The following ZBTB7B variants were observed in gnomAD, a reference collection of about 807,000 sequenced individuals.
ZBTB7B encodes zinc finger and BTB domain-containing protein 7B.
In ZBTB7B, 8 loss-of-function variants were observed where a neutral mutation model predicts 31.0. The ratio of observed to expected loss-of-function variants is 0.26; its 90% confidence interval spans 0.15 to 0.47. The LOEUF is 0.47. Among genes scored for constraint, ZBTB7B ranks in the 20% least tolerant of loss-of-function variants. The probability of loss-of-function intolerance (pLI) is 0.99; values close to 1 mark genes in which losing one functional copy is unlikely to be tolerated. For missense variants in ZBTB7B, 494 were observed against 742.4 expected, an observed-to-expected ratio of 0.67 and a Z score of 3.89; for synonymous variants, 261 against 307.3, an observed-to-expected ratio of 0.85 and a Z score of 1.58.
At chr1:155,014,593 C>A in intron 1 of ZBTB7B, 62 bp from the exon 2 acceptor site, 1 of 1,506,960 alleles carries the variant, frequency 6.6e-7, no homozygotes, top group South Asian at 1.3e-5. Flanking sequence ...TAAAGTTGGT[C>A]CTCTTTCCCC....
At chr1:155,009,373 C>G (rs1658792750) in intron 1 of ZBTB7B, among the ~76,000 whole-genome samples, 1 of 150,850 alleles carries the variant, frequency 6.6e-6, no homozygotes, top group South Asian at 2.1e-4. Flanking sequence ...GCCGGAGACA[C>G]TAGGCTGGGG....
Position 155,004,372 on chromosome 1 carries a change from G to A in ZBTB7B, c.-7+1429G>A, listed in dbSNP as rs1658432356. Among the ~76,000 whole-genome samples, 1 of 152,184 alleles carries A rather than the reference G, an allele frequency of 6.6e-6. No homozygotes were observed. Among genetic ancestry groups the A allele is most frequent in the South Asian group, 2.1e-4 (1 of 4,832 alleles). On this transcript the variant is annotated intron_variant, in intron 1 of 2. Coordinates refer to ENST00000535420, the MANE Select transcript of ZBTB7B (RefSeq NM_001256455.2). This position sits in a 1 kb window ranked among gnomAD's most constrained non-coding sequence, Gnocchi z 4.0. ...GGGAGACCGCTTATCAGGGACGGGG[G>A]AACCAGATTGGGCTGTGAGGGGTTA... is the stretch of plus-strand genomic sequence containing the variant.
rs1571529176 is a variant in ZBTB7B at position 155,015,653 on chromosome 1, C to G, written c.993C>G (p.Asp331Glu). 1 of 1,613,426 alleles carries G rather than the reference C, an allele frequency of 6.2e-7. No homozygotes were observed. The highest frequency in any genetic ancestry group is 8.5e-7 in the Non-Finnish European group (1 of 1,180,016). The change falls in exon 2 of 3, where the codon GAC becomes GAG. Residue 331 changes from aspartate (D) to glutamate (E), a missense_variant. Asp to Glu is a conservative substitution (Grantham distance 45). Around this residue, in one of 5 missense-constraint regions of ZBTB7B, gnomAD observed 216 missense variants for 229.3 expected, o/e 0.94. Coordinates refer to ENST00000535420, the MANE Select transcript of ZBTB7B (RefSeq NM_001256455.2). ...AGGACAACCTGGCACCAGGCCTGGA[C>G]AGCCAAGACAAGCTGGTGCGCAAAC... is the stretch of plus-strand genomic sequence containing the variant. The part of the protein sequence containing the change: ...LHQDNLAPGL[D>E]SQDKLVRKRR...
chr1:155,013,077 G>T (rs1413451597), intron 1 of ZBTB7B, among the ~76,000 whole-genome samples: 1 of 152,198 alleles, frequency 6.6e-6, no homozygotes, highest in Admixed American at 6.5e-5. Flanking sequence ...GAGGCCATCT[G>T]TATAGTGGAA....
intron 1 of ZBTB7B, 37 bp from the exon 2 acceptor site, chr1:155,014,618 T>C (rs1354974125): frequency 6.3e-7 from 1 of 1,574,976 alleles, no homozygotes. Context: ...CCCTGTGGGC[T>C]GAGCGCTCTT....
chr1:155,003,538 A>C lies in ZBTB7B; in HGVS notation c.-7+595A>C, dbSNP rs1658376582. ...TAGTGGGGCTCAGCAACAACCTCTG[A>C]ACCGACATAGAACGACCGCTCTCTT... On this transcript the variant is annotated intron_variant, in intron 1 of 2. Transcript: ENST00000535420. This position sits in a 1 kb window ranked among gnomAD's most constrained non-coding sequence, Gnocchi z 5.8. 6.6e-6 allele frequency among the ~76,000 whole-genome samples: 1 copy of C among 152,168 alleles called. No homozygotes were observed. Among genetic ancestry groups the C allele is most frequent in the South Asian group, 2.1e-4 (1 of 4,830 alleles).
At chr1:155,010,117 C>G (rs1287521291) in intron 1 of ZBTB7B, 1 of 152,390 alleles carries the variant, frequency 6.6e-6, no homozygotes, top group Non-Finnish European at 1.5e-5. Flanking sequence ...GGCGCTAAGG[C>G]TGAGAGAGTT....
In ZBTB7B at chr1:155,015,572, C is replaced by G. The variant is rs766203734; in HGVS notation, c.912C>G (p.Gly304=). Residue 304 remains glycine, a synonymous_variant, in exon 2 of 3, where the codon GGC becomes GGG. Coordinates refer to ENST00000535420, the MANE Select transcript of ZBTB7B (RefSeq NM_001256455.2). ...GGPPLSPEEL[G]SDEDAIDPDL... is the part of the protein sequence containing the mutation. Reference sequence around the variant, plus strand: ...CCCCGCTGTCCCCAGAGGAGCTGGGCTCAGATGAGGATGCCATCGATCCTG... The same window carrying G: ...CCCCGCTGTCCCCAGAGGAGCTGGGGTCAGATGAGGATGCCATCGATCCTG... 6.2e-7 allele frequency: 1 copy of G among 1,613,670 alleles called. No homozygotes were observed. The highest frequency in any genetic ancestry group is 1.1e-5 in the South Asian group (1 of 91,060).
intron 1 of ZBTB7B, chr1:155,014,312 A>G: frequency 4.3e-6 from 1 of 235,292 alleles, no homozygotes; most frequent in African/African-American, 2.2e-5. Flanking sequence ...ACATAGATGG[A>G]CCTCCATGAA....
Position 155,015,412 on chromosome 1 carries a change from G to C in ZBTB7B, c.752G>C (p.Gly251Ala). 1 of 1,570,170 alleles carries C rather than the reference G, an allele frequency of 6.4e-7. No individual in the cohort carries two copies. Among genetic ancestry groups the C allele is most frequent in the Non-Finnish European group, 8.7e-7 (1 of 1,155,754 alleles). The stretch of plus-strand genomic sequence containing the variant: ...GGCAGCAGTGGGGGCAGTGGGCCGG[G>C]GGACAGCTACAGCCCTCCCACAGGA... The part of the protein sequence containing the change: ...RVGSSGGSGP[G>A]DSYSPPTGTA... The change falls in exon 2 of 3, where the codon GGG becomes GCG. Residue 251 changes from glycine (G) to alanine (A), a missense_variant. By Grantham distance (60) the Gly-to-Ala change is moderately conservative (BLOSUM62 0). Transcript: ENST00000535420.
At chr1:155,010,798 C>T in intron 1 of ZBTB7B, 1 of 819,174 alleles carries the variant, frequency 1.2e-6, no homozygotes, top group Non-Finnish European at 1.9e-6. Flanking sequence ...GAACCTGAGG[C>T]TGGAGTTGGG....
Position 155,015,315 on chromosome 1 carries a change from C to G in ZBTB7B, c.655C>G (p.Leu219Val), listed in dbSNP as rs1558090389. Residue 219 changes from leucine (L) to valine (V), a missense_variant, in exon 2 of 3, where the codon CTA becomes GTA. By Grantham distance (32) the Leu-to-Val change is conservative (BLOSUM62 1). Coordinates refer to ENST00000535420, the MANE Select transcript of ZBTB7B (RefSeq NM_001256455.2). ...AACCAAGGGGGCCAGAGCAAACCACCTAGTCCCTGAGGTGCCCACAGTGCC... is the reference window on the plus strand; with the variant it reads ...AACCAAGGGGGCCAGAGCAAACCACGTAGTCCCTGAGGTGCCCACAGTGCC... The part of the protein sequence containing the change: ...LQTKGARANH[L>V]VPEVPTVPAH... 1 of 1,608,558 alleles carries G rather than the reference C, an allele frequency of 6.2e-7. No homozygotes were observed. Among genetic ancestry groups the G allele is most frequent in the South Asian group, 1.1e-5 (1 of 90,570 alleles).
chr1:155,013,012 C>T (rs1181053187), intron 1 of ZBTB7B, among the ~76,000 whole-genome samples: 1 of 152,056 alleles, frequency 6.6e-6, no homozygotes, highest in Admixed American at 6.6e-5. Context: ...GCTTGGTTCC[C>T]TCAGGGTGAT....
In ZBTB7B at chr1:155,018,277, G is replaced by A; in HGVS notation, c.*1592G>A. 2 of 510,522 alleles carry A rather than the reference G, an allele frequency of 3.9e-6. No homozygotes were observed. The highest frequency in any genetic ancestry group is 7.0e-6 in the Non-Finnish European group (2 of 284,086). The allele number at this position is 510,522 out of a possible 1,614,324, so 31.6% of individuals were successfully genotyped here. ...GATGATGTAATATATTGGGGTGGCG[G>A]GGAGATCGGGTTGTCCTGGGCCTCA... On this transcript the variant is annotated 3_prime_UTR_variant, in exon 3 of 3. Coordinates refer to ENST00000535420, the MANE Select transcript of ZBTB7B (RefSeq NM_001256455.2).
chr1:155,007,229 C>A (rs985519606), intron 1 of ZBTB7B, among the ~76,000 whole-genome samples: 2 of 152,218 alleles, frequency 1.3e-5, no homozygotes, highest in African/African-American at 4.8e-5. Flanking sequence ...ACCTTAGGGC[C>A]CCACCCAAAA....
Position 155,003,209 on chromosome 1 carries a change from T to A in ZBTB7B, c.-7+266T>A, listed in dbSNP as rs1202905825. Among the ~76,000 whole-genome samples the A allele has an allele frequency of 2.6e-5, 4 of 152,166 alleles. No individual in the cohort carries two copies. ...AAGTTTATCTGCACTTCTCCTGGGATCAGACAGACAGACGGCTTCGGGATG... is the reference window on the plus strand; with the variant it reads ...AAGTTTATCTGCACTTCTCCTGGGAACAGACAGACAGACGGCTTCGGGATG... On this transcript the variant is annotated intron_variant, in intron 1 of 2. Transcript: ENST00000535420. This position sits in a 1 kb window ranked among gnomAD's most constrained non-coding sequence, Gnocchi z 5.8.
intron 1 of ZBTB7B, among the ~76,000 whole-genome samples, chr1:155,006,466 C>G (rs1443894986): frequency 6.6e-6 from 1 of 152,206 alleles, no homozygotes; most frequent in Non-Finnish European, 1.5e-5. Context: ...GCCTTCAGAG[C>G]TTCCCAGTCA....
intron 1 of ZBTB7B, among the ~76,000 whole-genome samples, chr1:155,009,797 C>T (rs1226190211): frequency 6.6e-6 from 1 of 152,142 alleles, no homozygotes; most frequent in African/African-American, 2.4e-5. Flanking sequence ...CTCTCCACCC[C>T]TCATATGCCT....
In ZBTB7B at chr1:155,015,091, G is replaced by A. The variant is rs1659258165; in HGVS notation, c.431G>A (p.Ser144Asn). 1 of 1,613,740 alleles carries A rather than the reference G, an allele frequency of 6.2e-7. No individual in the cohort carries two copies. The highest frequency in any genetic ancestry group is 2.2e-5 in the East Asian group (1 of 44,872). The part of the protein sequence containing the change: ...IAACMEILQG[S>N]GLEAPSPDED... ...GCTTGCATGGAGATTCTGCAGGGCA[G>A]TGGGCTAGAAGCTCCCAGCCCGGAC... Residue 144 changes from serine (S) to asparagine (N), a missense_variant, in exon 2 of 3, where the codon AGT becomes AAT. Ser to Asn is a conservative substitution (Grantham distance 46). Coordinates refer to ENST00000535420, the MANE Select transcript of ZBTB7B (RefSeq NM_001256455.2).
Sources: allele counts gnomAD v4.1 joint callset (sites outside exome capture counted in the v4.1 genomes callset), GRCh38; gene constraint gnomAD v4.1.1; regional missense constraint gnomAD v4.1.1; non-coding constraint Gnocchi (gnomAD v3.1); transcripts MANE v1.5; gene names NCBI Gene and HGNC (gene_info 2026-07-23, HGNC 2026-07-21).